Variants in TRIB3 observed in about 807,000 individuals in gnomAD.
TRIB3 encodes the protein tribbles pseudokinase 3, also known as tribbles homolog 3.
TRIB3 carries 20 observed loss-of-function variants against 16.6 expected under a neutral mutation model. The ratio of observed to expected loss-of-function variants is 1.20; its 90% confidence interval spans 0.85 to 1.75. TRIB3 has a LOEUF of 1.75. TRIB3 is among the 40% of genes most tolerant of loss of function. TRIB3 has a pLI of 0.00. For missense variants in TRIB3, 484 were observed against 488.9 expected (o/e 0.99, Z 0.10); for synonymous variants, 208 against 217.0 (o/e 0.96, Z 0.36).
chr20:384,651 T>C (rs1051993723), intron 1 of TRIB3, among the ~76,000 whole-genome samples: 7 of 152,148 alleles, frequency 4.6e-5, no homozygotes, highest in East Asian at 1.9e-4. Flanking sequence ...CATGAGCCAC[T>C]GCGCCCAGCC....
chr20:388,319 G>A lies in TRIB3; in HGVS notation c.291+18G>A, dbSNP rs1184492627. 4 of 1,584,134 alleles carry A rather than the reference G, an allele frequency of 2.5e-6. No homozygotes were observed. The highest frequency in any genetic ancestry group is 2.3e-5 in the East Asian group (1 of 44,332). ...CCTGCAAGGTACGTGCCCATGGGCG[G>A]CTGTCCCCCAGCACCACAGGAGGCC... On this transcript the variant is annotated intron_variant, in intron 2 of 3. Coordinates refer to ENST00000217233, the MANE Select transcript of TRIB3 (RefSeq NM_021158.5).
In TRIB3 at chr20:391,321, A is replaced by C; in HGVS notation, c.326A>C (p.Glu109Ala). The C allele has an allele frequency of 6.2e-7, 1 of 1,613,096 alleles. No individual in the cohort carries two copies. Among genetic ancestry groups the C allele is most frequent in the Non-Finnish European group, 8.5e-7 (1 of 1,179,996 alleles). Residue 109 changes from glutamate (E) to alanine (A), a missense_variant, in exon 3 of 4, where the codon GAG (glutamate) becomes GCG (alanine). By Grantham distance (107) the Glu-to-Ala change is moderately radical (BLOSUM62 -1). Transcript: ENST00000217233. ...YPVQEALAVLEPYARLPPHKH... is the reference protein window; with the variant it reads ...YPVQEALAVLAPYARLPPHKH... ...GTCCAGGAAGCCCTGGCCGTGCTGG[A>C]GCCCTATGCGCGGCTGCCCCCGCAC...
In TRIB3 at chr20:386,942, A is replaced by G. The variant is rs200213222; in HGVS notation, c.1-1069A>G. On this transcript the variant is annotated intron_variant, in intron 1 of 3. Coordinates refer to ENST00000217233, the MANE Select transcript of TRIB3 (RefSeq NM_021158.5). ...AATTTTTGTATTTTTTAGTAGAGAC[A>G]GGGTTTCACCATGTTGGCCAGGCTG... Among the ~76,000 whole-genome samples the G allele has an allele frequency of 1.3e-3, 194 of 144,552 alleles. 1 individual carries two copies. Among genetic ancestry groups the G allele is most frequent in the East Asian group, 1.3e-3 (6 of 4,746 alleles). 94.8% of individuals were successfully genotyped at this position (144,552 alleles called of 152,430 possible).
At chr20:386,225 CTG>C (rs1295618572) in intron 1 of TRIB3, among the ~76,000 whole-genome samples, 2 of 152,066 alleles carry the variant, frequency 1.3e-5, no homozygotes, top group Non-Finnish European at 2.9e-5. Flanking sequence ...GACGGCAAGA[CTG>C]CTGTCTAACC....
intron 1 of TRIB3, among the ~76,000 whole-genome samples, chr20:383,010 G>T (rs763956888): frequency 2.0e-5 from 3 of 152,148 alleles, no homozygotes; most frequent in Admixed American, 6.5e-5. Flanking sequence ...GAGGTCTCTC[G>T]CACCAATGCC....
chr20:382,863 T>TG (rs1371810682), intron 1 of TRIB3, among the ~76,000 whole-genome samples: 3 of 152,212 alleles, frequency 2.0e-5, no homozygotes, highest in African/African-American at 7.2e-5. Flanking sequence ...TTCACTCATG[T>TG]GGGGAGGCCT....
At chr20:388,444 C>G in intron 2 of TRIB3, 143 bp downstream of exon 2, 5 of 1,119,986 alleles carry the variant, frequency 4.5e-6, no homozygotes, top group Non-Finnish European at 6.2e-6. Context: ...GGAGCCCCTG[C>G]TGGACTGATA....
intron 1 of TRIB3, among the ~76,000 whole-genome samples, chr20:384,341 T>C (rs930238661): frequency 3.1e-4 from 47 of 151,718 alleles, no homozygotes; most frequent in African/African-American, 1.1e-3. Flanking sequence ...ACTTAATAGC[T>C]AAAATGAAAT....
intron 1 of TRIB3, among the ~76,000 whole-genome samples, chr20:386,035 AT>A (rs890747778): frequency 2.7e-4 from 41 of 149,110 alleles, no homozygotes; most frequent in African/African-American, 8.1e-4. Flanking sequence ...TTAAAAAAAA[AT>A]TTTTTTTTGT....
rs945952914 is a variant in TRIB3, at chr20:380,772, G to A, written c.-398G>A. ...GTCTGCACTGACCAGACGCCCCTAG[G>A]GGGCCAGCGAGGGCGGGTCCCAGGT... On this transcript the variant is annotated 5_prime_UTR_variant, in exon 1 of 4. Transcript: ENST00000217233. 2.0e-5 allele frequency: 3 copies of A among 152,230 alleles called. No homozygotes were observed. The highest frequency in any genetic ancestry group is 7.3e-5 in the African/African-American group (3 of 41,374). 9.4% of individuals were successfully genotyped at this position (152,230 alleles called of 1,614,324 possible).
In TRIB3 at chr20:380,978, G is replaced by GATTAGCTCCGGTTGGCATCAC. The variant is rs1475836304; in HGVS notation, c.-192_-191insATTAGCTCCGGTTGGCATCAC. Reference sequence around the variant, plus strand: ...CCGGTTTGCATCACCCGGACCGGGGGCCGGGCGCGCACGAGACTCGCAGCG... The same window carrying GATTAGCTCCGGTTGGCATCAC: ...CCGGTTTGCATCACCCGGACCGGGGGATTAGCTCCGGTTGGCATCACCCGGGCGCGCACGAGACTCGCAGCG... On this transcript the variant is annotated 5_prime_UTR_variant, in exon 1 of 4. Transcript: ENST00000217233. 1 of 150,488 alleles carries GATTAGCTCCGGTTGGCATCAC rather than the reference G, an allele frequency of 6.6e-6. No individual in the cohort carries two copies. The highest frequency in any genetic ancestry group is 1.5e-5 in the Non-Finnish European group (1 of 67,498). The allele number at this position is 150,488 out of a possible 1,614,324, so 9.3% of individuals were successfully genotyped here.
At chr20:393,596 C>T (rs950786713) in intron 3 of TRIB3, among the ~76,000 whole-genome samples, 3 of 152,156 alleles carry the variant, frequency 2.0e-5, no homozygotes, top group African/African-American at 4.8e-5. Flanking sequence ...GGATTATAGG[C>T]GTGAGCCACT....
chr20:385,993 G>T (rs2014795490), intron 1 of TRIB3, among the ~76,000 whole-genome samples: 2 of 151,650 alleles, frequency 1.3e-5, no homozygotes, highest in South Asian at 2.1e-4. Context: ...AAGTAGCTGG[G>T]ACTACAGGCA....
chr20:391,952 G>T (rs569518000), intron 3 of TRIB3, among the ~76,000 whole-genome samples: 2 of 151,972 alleles, frequency 1.3e-5, no homozygotes, highest in Admixed American at 1.3e-4. Context: ...AACCTGGGAG[G>T]CGGAAGTTGC....
chr20:382,502 T>A, intron 1 of TRIB3: 1 of 1,533,634 alleles, frequency 6.5e-7, no homozygotes, highest in Non-Finnish European at 8.7e-7. Flanking sequence ...GTAAGGAGTG[T>A]CATCCCAGCC....
chr20:383,694 C>G (rs1210389446), intron 1 of TRIB3, among the ~76,000 whole-genome samples: 4 of 152,122 alleles, frequency 2.6e-5, no homozygotes, highest in Non-Finnish European at 5.9e-5. Context: ...CCTGCTTCAG[C>G]CTCCCAAAGT....
chr20:387,917 C>G, intron 1 of TRIB3, 94 bp from the exon 2 acceptor site: 1 of 1,427,514 alleles, frequency 7.0e-7, no homozygotes, highest in Non-Finnish European at 9.6e-7. Flanking sequence ...AGATCACCCC[C>G]TATAAATGTT....
At chr20:384,980 C>T (rs2014759257) in intron 1 of TRIB3, among the ~76,000 whole-genome samples, 1 of 152,166 alleles carries the variant, frequency 6.6e-6, no homozygotes, top group South Asian at 2.1e-4. Context: ...TCCTTGTGCT[C>T]AGCTGAAAAT....
chr20:394,022 T>C (rs970639926), intron 3 of TRIB3, among the ~76,000 whole-genome samples: 1 of 129,352 alleles, frequency 7.7e-6, no homozygotes, highest in Non-Finnish European at 1.6e-5. Context: ...TTTCTTTTTT[T>C]TCTTTCTTTC....
Sources: allele counts gnomAD v4.1 joint callset (sites outside exome capture counted in the v4.1 genomes callset), GRCh38; gene constraint gnomAD v4.1.1; transcripts MANE v1.5; gene names NCBI Gene and HGNC (gene_info 2026-07-23, HGNC 2026-07-21).